ARHGAP24: variants seen among roughly 807,000 people sequenced by gnomAD.
ARHGAP24 encodes the protein rho GTPase-activating protein 24.
In ARHGAP24, 50 loss-of-function variants were observed where a neutral mutation model predicts 76.4. That is an observed-to-expected ratio of 0.65 (90% CI 0.52 to 0.83). The LOEUF (loss-of-function observed/expected upper bound fraction) is 0.83. Among genes scored for constraint, ARHGAP24 ranks in the 40% least tolerant of loss-of-function variants. The pLI is 0.00. For synonymous variants in ARHGAP24, 345 were observed against 323.3 expected (o/e 1.07, Z -0.72); for missense variants, 930 against 914.2 (o/e 1.02, Z -0.22).
At chr4:85,729,427 G>A (rs1204778429) in intron 3 of ARHGAP24, among the ~76,000 whole-genome samples, 3 of 152,122 alleles carry the variant, frequency 2.0e-5, no homozygotes, top group East Asian at 1.9e-4. Flanking sequence ...TACAAAGAAC[G>A]TTTTAAAAAT....
chr4:85,955,303 C>T (rs1302574187), intron 5 of ARHGAP24, among the ~76,000 whole-genome samples: 1 of 151,952 alleles, frequency 6.6e-6, no homozygotes, highest in East Asian at 1.9e-4. Context: ...ATTCCCCTTC[C>T]TTCTGGAGTT....
At chr4:85,503,276 A>T (rs2110100570) in intron 1 of ARHGAP24, among the ~76,000 whole-genome samples, 1 of 152,312 alleles carries the variant, frequency 6.6e-6, no homozygotes, top group East Asian at 1.9e-4. Flanking sequence ...TGATTGGAAT[A>T]GTTTCAGAAG....
rs539438985 is a variant in ARHGAP24 at position 85,710,371 on chromosome 4, A to T, written c.181-11514A>T. On this transcript the variant is annotated intron_variant, in intron 2 of 9. Transcript: ENST00000395184. Reference sequence around the variant, plus strand: ...AATCAACTCAAAATGGATAAAATGTAAAAACCCTGGAAGACAACCTAGGCA... The same window carrying T: ...AATCAACTCAAAATGGATAAAATGTTAAAACCCTGGAAGACAACCTAGGCA... 7.2e-5 allele frequency among the ~76,000 whole-genome samples: 11 copies of T among 152,208 alleles called. No individual in the cohort carries two copies. In the East Asian group the frequency reaches 2.1e-3, roughly 29 times the overall value.
chr4:85,530,395 A>C (rs1223534636), intron 1 of ARHGAP24, among the ~76,000 whole-genome samples: 1 of 151,934 alleles, frequency 6.6e-6, no homozygotes, highest in Non-Finnish European at 1.5e-5. Flanking sequence ...ATATTCAGCT[A>C]TTGCAAGAAT....
chr4:85,561,433 T>C (rs991962995), intron 1 of ARHGAP24, among the ~76,000 whole-genome samples: 1 of 152,256 alleles, frequency 6.6e-6, no homozygotes, highest in Admixed American at 6.5e-5. Context: ...CACCACATTT[T>C]GATTTATTCT....
chr4:85,546,209 T>C (rs573451321), intron 1 of ARHGAP24, among the ~76,000 whole-genome samples: 1 of 152,228 alleles, frequency 6.6e-6, no homozygotes, highest in South Asian at 2.1e-4. Context: ...AGTGAGCATA[T>C]GGTAAATGCT....
At chr4:85,904,365 T>A (rs1408262830) in intron 3 of ARHGAP24, among the ~76,000 whole-genome samples, 1 of 152,184 alleles carries the variant, frequency 6.6e-6, no homozygotes, top group Non-Finnish European at 1.5e-5. Context: ...ATTTTTCTTT[T>A]GAGAACTCAC....
At chr4:85,643,234 G>GTTTTTTTTTTTTT (rs70948741) in intron 2 of ARHGAP24, among the ~76,000 whole-genome samples, 1 of 54,628 alleles carries the variant, frequency 1.8e-5, no homozygotes, top group African/African-American at 5.9e-5. Context: ...GTTTTTTTGT[G>GTTTTTTTTTTTTT]TTTTTTTTTT....
intron 3 of ARHGAP24, among the ~76,000 whole-genome samples, chr4:85,889,632 T>C (rs1733769206): frequency 6.6e-6 from 1 of 152,190 alleles, no homozygotes; most frequent in Non-Finnish European, 1.5e-5. Flanking sequence ...AGCTGCTTGT[T>C]TACTAATGTG....
At chr4:85,909,439 C>T (rs769155053) in intron 3 of ARHGAP24, among the ~76,000 whole-genome samples, 2 of 152,124 alleles carry the variant, frequency 1.3e-5, no homozygotes, top group Non-Finnish European at 2.9e-5. Flanking sequence ...TATTCTATCA[C>T]GTCTTATTGG....
intron 2 of ARHGAP24, among the ~76,000 whole-genome samples, chr4:85,694,372 G>T (rs1311867644): frequency 1.3e-5 from 2 of 152,044 alleles, no homozygotes. Context: ...TCTGCCACTG[G>T]CATATATCAA....
intron 3 of ARHGAP24, among the ~76,000 whole-genome samples, chr4:85,862,715 C>A (rs1731970485): frequency 6.6e-6 from 1 of 152,120 alleles, no homozygotes; most frequent in Non-Finnish European, 1.5e-5. Flanking sequence ...ACTCGCACTA[C>A]CAGTTCCTTT....
At chr4:85,617,928 GA>G (rs1276230158) in intron 2 of ARHGAP24, among the ~76,000 whole-genome samples, 1 of 152,136 alleles carries the variant, frequency 6.6e-6, no homozygotes, top group Non-Finnish European at 1.5e-5. Context: ...TATACACTGT[GA>G]AGTGATTACC....
intron 2 of ARHGAP24, among the ~76,000 whole-genome samples, chr4:85,683,118 G>GT (rs1553922580): frequency 1.9e-4 from 7 of 37,714 alleles, no homozygotes; most frequent in African/African-American, 5.7e-4. Context: ...GTGGGGGGGT[G>GT]GGGGGGGGGT....
At chr4:85,797,691 T>C (rs1262818105) in intron 3 of ARHGAP24, among the ~76,000 whole-genome samples, 1 of 152,236 alleles carries the variant, frequency 6.6e-6, no homozygotes. Flanking sequence ...ATTTCTCTTC[T>C]TGTCAATTGT....
intron 2 of ARHGAP24, among the ~76,000 whole-genome samples, chr4:85,605,680 ATATAT>A (rs943923175): frequency 2.0e-5 from 3 of 152,224 alleles, no homozygotes; most frequent in Non-Finnish European, 2.9e-5. Context: ...CCTATTTAAA[ATATAT>A]TATACACGTG....
intron 3 of ARHGAP24, chr4:85,722,274 G>T (rs575781256): frequency 6.1e-6 from 2 of 329,512 alleles, no homozygotes; most frequent in South Asian, 3.1e-5. Context: ...ATTTTACAGC[G>T]CTCTTGTGAT....
chr4:85,761,864 C>T (rs1350818538), intron 3 of ARHGAP24, among the ~76,000 whole-genome samples: 2 of 152,160 alleles, frequency 1.3e-5, no homozygotes, highest in Non-Finnish European at 2.9e-5. Context: ...AAAAGCACAG[C>T]TTTCACTGAA....
intron 2 of ARHGAP24, among the ~76,000 whole-genome samples, chr4:85,651,558 T>C (rs1381335221): frequency 6.7e-6 from 1 of 148,556 alleles, no homozygotes; most frequent in Non-Finnish European, 1.5e-5. Flanking sequence ...ATAAATATAA[T>C]ATTTAATAAT....
Sources: allele counts gnomAD v4.1 joint callset (sites outside exome capture counted in the v4.1 genomes callset), GRCh38; gene constraint gnomAD v4.1.1; transcripts MANE v1.5; gene names NCBI Gene and HGNC (gene_info 2026-07-23, HGNC 2026-07-21).